Variants in ULK4 observed in about 807,000 individuals in gnomAD.
ULK4 encodes inactive serine/threonine-protein kinase ULK4.
In ULK4, 133 loss-of-function variants were observed where a neutral mutation model predicts 160.6. The ratio of observed to expected loss-of-function variants is 0.83; its 90% CI spans 0.72 to 0.96. The LOEUF (loss-of-function observed/expected upper bound fraction) is 0.96, where lower values mean the gene tolerates loss of function less well. Ranked by LOEUF, ULK4 falls within the 40% of genes least tolerant of loss-of-function variation. ULK4 has a pLI of 0.00. For synonymous variants in ULK4, 534 were observed against 539.8 expected (o/e 0.99, Z 0.15); for missense variants, 1,580 against 1,499.5 (o/e 1.05, Z -0.89).
rs1384939196 is a variant in ULK4, at chr3:41,265,397, C to CA, written c.3679-15824dup. On this transcript the variant is annotated intron_variant, in intron 35 of 36. Transcript: ENST00000301831. ...AACAGCTGGTAGGGCCACGCAAACTCAGTCATTTGCTCTGTCCTCCAGACT... is the reference window on the plus strand; with the variant it reads ...AACAGCTGGTAGGGCCACGCAAACTCAAGTCATTTGCTCTGTCCTCCAGACT... Among the ~76,000 whole-genome samples the CA allele has an allele frequency of 2.6e-5, 4 of 152,330 alleles. No homozygotes were observed. In the East Asian group the frequency reaches 5.8e-4, roughly 22 times the overall value.
In ULK4 at chr3:41,495,666, T is replaced by C. The variant is rs545714458; in HGVS notation, c.3227-32413A>G. On this transcript the variant is annotated intron_variant, in intron 32 of 36. Transcript: ENST00000301831. ...AACCTACAAAATGGGAGAAAATTTT[T>C]GCAACCTACTCATCTGACAAAGGGC... 4.9e-3 allele frequency among the ~76,000 whole-genome samples: 738 copies of C among 151,048 alleles called. 5 individuals are homozygous for C. Among genetic ancestry groups the C allele is most frequent in the African/African-American group, 0.017 (708 of 41,122 alleles).
At chr3:41,847,700 A>G (rs1463331523) in intron 17 of ULK4, among the ~76,000 whole-genome samples, 1 of 150,398 alleles carries the variant, frequency 6.6e-6, no homozygotes, top group Non-Finnish European at 1.5e-5. Context: ...ACATAAAATA[A>G]GAACACTGTA....
intron 22 of ULK4, among the ~76,000 whole-genome samples, chr3:41,742,894 C>G (rs895669764): frequency 6.6e-6 from 1 of 151,282 alleles, no homozygotes; most frequent in Non-Finnish European, 1.5e-5. Flanking sequence ...GACATGACTA[C>G]AAATAAATTA....
At chr3:41,489,018 C>T in intron 32 of ULK4, among the ~76,000 whole-genome samples, 1 of 152,046 alleles carries the variant, frequency 6.6e-6, no homozygotes, top group Non-Finnish European at 1.5e-5. Flanking sequence ...CTATCTCAGC[C>T]CCCTTCTGCC....
chr3:41,545,596 T>C (rs2086833141), intron 32 of ULK4, among the ~76,000 whole-genome samples: 1 of 152,188 alleles, frequency 6.6e-6, no homozygotes, highest in Non-Finnish European at 1.5e-5. Context: ...TATCGTGTGC[T>C]TAGGTGAATT....
At chr3:41,738,929 C>T (rs1259092635) in intron 22 of ULK4, among the ~76,000 whole-genome samples, 3 of 151,892 alleles carry the variant, frequency 2.0e-5, no homozygotes, top group African/African-American at 4.9e-5. Flanking sequence ...TCTAGTACTA[C>T]TTGAACCCCT....
intron 35 of ULK4, among the ~76,000 whole-genome samples, chr3:41,270,182 C>T (rs898525761): frequency 1.3e-5 from 2 of 152,096 alleles, no homozygotes; most frequent in Admixed American, 1.3e-4. Context: ...ACACAAGGCC[C>T]AGAGTCCAGA....
At chr3:41,940,304 G>T (rs1205783302) in intron 2 of ULK4, among the ~76,000 whole-genome samples, 1 of 152,116 alleles carries the variant, frequency 6.6e-6, no homozygotes, top group Admixed American at 6.6e-5. Flanking sequence ...CAGTCAGGGA[G>T]ATTGGATTTG....
chr3:41,476,222 A>G (rs925136330), intron 32 of ULK4, among the ~76,000 whole-genome samples: 1 of 152,218 alleles, frequency 6.6e-6, no homozygotes, highest in African/African-American at 2.4e-5. Flanking sequence ...ATTGAAAATT[A>G]GACTACTAAT....
At chr3:41,378,166 T>C (rs542821226) in intron 35 of ULK4, among the ~76,000 whole-genome samples, 12 of 137,242 alleles carry the variant, frequency 8.7e-5, no homozygotes, top group Middle Eastern at 4.7e-3. Context: ...TAGGTGGGAA[T>C]TGAACAATGA....
intron 22 of ULK4, among the ~76,000 whole-genome samples, chr3:41,720,873 A>G (rs926194764): frequency 6.6e-6 from 1 of 152,190 alleles, no homozygotes; most frequent in South Asian, 2.1e-4. Flanking sequence ...CTCTAGGAAC[A>G]AAGTATTCAA....
intron 34 of ULK4, among the ~76,000 whole-genome samples, chr3:41,444,755 G>A (rs536637236): frequency 6.2e-4 from 95 of 152,166 alleles, no homozygotes; most frequent in African/African-American, 2.2e-3. Context: ...CGAGGTGGAC[G>A]GATCACAAAG....
chr3:41,328,332 G>T (rs2080374921), intron 35 of ULK4, among the ~76,000 whole-genome samples: 2 of 152,130 alleles, frequency 1.3e-5, no homozygotes, highest in African/African-American at 4.8e-5. Context: ...AACTAGCTCT[G>T]TTTCCTATTA....
intron 30 of ULK4, among the ~76,000 whole-genome samples, chr3:41,620,207 C>A (rs2033176335): frequency 6.6e-6 from 1 of 152,180 alleles, no homozygotes; most frequent in Admixed American, 6.5e-5. Context: ...GGTACCATTC[C>A]TTCTGGAACC....
At chr3:41,574,662 C>T (rs544278386) in intron 31 of ULK4, among the ~76,000 whole-genome samples, 3 of 151,636 alleles carry the variant, frequency 2.0e-5, no homozygotes, top group Non-Finnish European at 2.9e-5. Context: ...CTGCCTCAGC[C>T]TCCCAAGTAG....
chr3:41,753,333 A>AG (rs1224645515), intron 22 of ULK4, among the ~76,000 whole-genome samples: 1 of 152,192 alleles, frequency 6.6e-6, no homozygotes, highest in Non-Finnish European at 1.5e-5. Flanking sequence ...CAGGAAAAAA[A>AG]AAATTGTCAA....
chr3:41,936,843 A>C (rs1421028855), intron 3 of ULK4, among the ~76,000 whole-genome samples: 1 of 152,214 alleles, frequency 6.6e-6, no homozygotes, highest in African/African-American at 2.4e-5. Context: ...AATAAAAACT[A>C]GTATTTGATA....
chr3:41,691,542 C>T lies in ULK4; in HGVS notation c.2782-9738G>A, dbSNP rs1029812300. On this transcript the variant is annotated intron_variant, in intron 27 of 36. Transcript: ENST00000301831. The stretch of plus-strand genomic sequence containing the variant: ...GAACTGAAACTGTGGCAGACCCATA[C>T]GGATTTGCCACCACTAACAATACCT... 6.6e-5 allele frequency among the ~76,000 whole-genome samples: 10 copies of T among 151,924 alleles called. No individual in the cohort carries two copies. The South Asian group carries it at 8.3e-4, about 13-fold the overall frequency.
chr3:41,588,149 G>A (rs1023014522), intron 31 of ULK4, among the ~76,000 whole-genome samples: 1 of 152,212 alleles, frequency 6.6e-6, no homozygotes, highest in Middle Eastern at 3.4e-3. Flanking sequence ...AAAGAAGCAG[G>A]TGGTGAGGGA....
Sources: allele counts gnomAD v4.1 joint callset (sites outside exome capture counted in the v4.1 genomes callset), GRCh38; gene constraint gnomAD v4.1.1; transcripts MANE v1.5; gene names NCBI Gene and HGNC (gene_info 2026-07-23, HGNC 2026-07-21).